Variants in KIAA1671 observed in about 807,000 individuals in gnomAD.
The protein encoded by KIAA1671 is KIAA1671, also known as uncharacterized protein KIAA1671.
A neutral mutation model predicts 131.2 loss-of-function variants in KIAA1671; 52 were observed. The observed-to-expected ratio is 0.40, with a 90% confidence interval of 0.32 to 0.50. The LOEUF is 0.50. KIAA1671 is among the 20% of genes least tolerant of loss of function. The probability of loss-of-function intolerance (pLI) is 0.73; values close to 1 mark genes in which losing one functional copy is unlikely to be tolerated. For missense variants in KIAA1671, 2,360 were observed against 2,364.2 expected (o/e 1.00, Z 0.04); for synonymous variants, 1,003 against 961.6 (o/e 1.04, Z -0.80).
intron 1 of KIAA1671, among the ~76,000 whole-genome samples, chr22:24,965,811 G>C (rs970876268): frequency 6.7e-6 from 1 of 149,272 alleles, no homozygotes; most frequent in Non-Finnish European, 1.5e-5. Context: ...TTGTCCCAAA[G>C]AATTATTTTA....
In KIAA1671 at chr22:25,140,406, C is replaced by T. The variant is rs975400203; in HGVS notation, c.4531-30414C>T. 7.9e-5 allele frequency among the ~76,000 whole-genome samples: 12 copies of T among 151,396 alleles called. 1 individual carries two copies. The highest frequency in any genetic ancestry group is 4.2e-4 in the South Asian group (2 of 4,796). ...CTTTTTTTTTTTTGAGACGGAGTCT[C>T]GCTCTTTCGCCCAGGCCGGACTGCG... On this transcript the variant is annotated intron_variant, in intron 6 of 12. Coordinates refer to ENST00000358431, the MANE Select transcript of KIAA1671 (RefSeq NM_001145206.2).
intron 6 of KIAA1671, among the ~76,000 whole-genome samples, chr22:25,136,051 T>C (rs528162366): frequency 3.3e-5 from 5 of 152,316 alleles, no homozygotes; most frequent in African/African-American, 1.2e-4. Context: ...AACTAGGGCT[T>C]GCACTTGAGA....
At chr22:25,100,148 C>G (rs1461183181) in intron 6 of KIAA1671, among the ~76,000 whole-genome samples, 1 of 152,160 alleles carries the variant, frequency 6.6e-6, no homozygotes, top group Non-Finnish European at 1.5e-5. Flanking sequence ...CCTGGGGCCC[C>G]ACAGTGGTGT....
At position 25,170,796 on chromosome 22, in the gene KIAA1671, C is replaced by G. The variant is rs192499856; in HGVS notation, c.4531-24C>G. ...TCTGAGTACATTTCCTGGTAGAAAT[C>G]TCACATCTGGCTTGTCTTTGCAGGA... On this transcript the variant is annotated intron_variant, in intron 6 of 12. Transcript: ENST00000358431. 1.2e-3 allele frequency: 1,863 copies of G among 1,548,940 alleles called. 6 individuals are homozygous for G. The highest frequency in any genetic ancestry group is 3.2e-3 in the Middle Eastern group (19 of 5,990).
chr22:24,978,700 TGTTTTGA>T (rs1348826579), intron 1 of KIAA1671, among the ~76,000 whole-genome samples: 4 of 152,016 alleles, frequency 2.6e-5, no homozygotes, highest in African/African-American at 9.7e-5. Context: ...TGTTTTGTTT[TGTTTTGA>T]GAGTCTCACT....
intron 6 of KIAA1671, among the ~76,000 whole-genome samples, chr22:25,068,194 A>ACTGTGCCGTCAGGGAGCAGGGCCG (rs1568938251): frequency 0.024 from 3,560 of 150,638 alleles, 149 homozygotes; most frequent in African/African-American, 0.053. Context: ...GAGCAGGGCC[A>ACTGTGCCGTCAGGGAGCAGGGCCG]GCCTTCCGAC....
At chr22:24,963,768 G>A (rs546803687) in intron 1 of KIAA1671, among the ~76,000 whole-genome samples, 3 of 151,490 alleles carry the variant, frequency 2.0e-5, no homozygotes, top group African/African-American at 4.8e-5. Flanking sequence ...GTGAAACCCC[G>A]TCTCTACTAA....
At chr22:24,968,928 C>G (rs1922450135) in intron 1 of KIAA1671, among the ~76,000 whole-genome samples, 3 of 152,074 alleles carry the variant, frequency 2.0e-5, no homozygotes, top group Admixed American at 6.5e-5. Context: ...GAGACAGGGC[C>G]TTGCCCTGTC....
chr22:25,032,462 T>G (rs1602083432), intron 3 of KIAA1671, 147 bp from the exon 4 acceptor site: 1 of 502,310 alleles, frequency 2.0e-6, no homozygotes. Context: ...TGAGGTAGGC[T>G]CTCCCCACTG....
intron 1 of KIAA1671, among the ~76,000 whole-genome samples, chr22:24,981,744 C>T (rs1302055477): frequency 6.6e-6 from 1 of 152,136 alleles, no homozygotes; most frequent in African/African-American, 2.4e-5. Context: ...CCCATCTCTA[C>T]AAAAAATAGA....
chr22:25,136,638 T>G (rs1195719014), intron 6 of KIAA1671, among the ~76,000 whole-genome samples: 1 of 152,176 alleles, frequency 6.6e-6, no homozygotes, highest in African/African-American at 2.4e-5. Flanking sequence ...TCTCCCAGGT[T>G]TCTGAGCCTC....
intron 1 of KIAA1671, among the ~76,000 whole-genome samples, chr22:25,005,558 C>T (rs1924706544): frequency 6.6e-6 from 1 of 152,042 alleles, no homozygotes; most frequent in African/African-American, 2.4e-5. Context: ...AATAATAACT[C>T]ACTTCATTCG....
rs541366317 is a variant in KIAA1671 at position 25,162,928 on chromosome 22, C to T, written c.4531-7892C>T. ...AACTCTGGTGTAGATTGACTAAGAG[C>T]CTGTTTCTGATTGGTACTTAACTTA... On this transcript the variant is annotated intron_variant, in intron 6 of 12. Coordinates refer to ENST00000358431, the MANE Select transcript of KIAA1671 (RefSeq NM_001145206.2). Among the ~76,000 whole-genome samples, 13 of 150,758 alleles carry T rather than the reference C, an allele frequency of 8.6e-5. No homozygotes were observed. The East Asian group carries it at 2.3e-3, about 27-fold the overall frequency.
Position 25,195,514 on chromosome 22 carries a change from T to C in KIAA1671, c.*3113T>C, listed in dbSNP as rs1934796993. On this transcript the variant is annotated 3_prime_UTR_variant, in exon 13 of 13. Transcript: ENST00000358431. ...TTTTCCAGGGGGACGCGCCAAATCATGTGGTTTCAGACAATTGTGTTTGCC... is the reference window on the plus strand; with the variant it reads ...TTTTCCAGGGGGACGCGCCAAATCACGTGGTTTCAGACAATTGTGTTTGCC... 1 of 152,162 alleles carries C rather than the reference T, an allele frequency of 6.6e-6. No individual in the cohort carries two copies. The highest frequency in any genetic ancestry group is 1.5e-5 in the Non-Finnish European group (1 of 68,028). The allele number at this position is 152,162 out of a possible 1,614,324, so 9.4% of individuals were successfully genotyped here.
intron 1 of KIAA1671, chr22:25,014,108 C>T (rs917323254): frequency 6.6e-6 from 1 of 152,152 alleles, no homozygotes; most frequent in Admixed American, 6.5e-5. Context: ...ATGTTCATTG[C>T]AATGTTGGTT....
chr22:25,065,629 A>G (rs1928427688), intron 6 of KIAA1671, among the ~76,000 whole-genome samples: 1 of 150,474 alleles, frequency 6.6e-6, no homozygotes, highest in South Asian at 2.1e-4. Flanking sequence ...TTTTTAAAGA[A>G]TTATTATTAT....
chr22:25,027,385 T>C (rs888418284), intron 2 of KIAA1671, among the ~76,000 whole-genome samples: 6 of 152,194 alleles, frequency 3.9e-5, no homozygotes, highest in Non-Finnish European at 7.3e-5. Context: ...TTGCCTTCTC[T>C]GTGCTAGATG....
At chr22:25,020,122 A>G (rs866102489) in intron 1 of KIAA1671, among the ~76,000 whole-genome samples, 49 of 152,154 alleles carry the variant, frequency 3.2e-4, no homozygotes, top group Admixed American at 2.4e-3. Flanking sequence ...TGAGGGGAAA[A>G]TATTTGATTT....
At chr22:24,975,568 A>G (rs1037795017) in intron 1 of KIAA1671, among the ~76,000 whole-genome samples, 1 of 151,908 alleles carries the variant, frequency 6.6e-6, no homozygotes, top group African/African-American at 2.4e-5. Context: ...GCTGTGAGCC[A>G]CTGCGCCTGG....
Sources: allele counts gnomAD v4.1 joint callset (sites outside exome capture counted in the v4.1 genomes callset), GRCh38; gene constraint gnomAD v4.1.1; transcripts MANE v1.5; gene names NCBI Gene and HGNC (gene_info 2026-07-23, HGNC 2026-07-21).